The following USP46 variants were observed in gnomAD, a reference collection of about 807,000 sequenced individuals.
USP46 encodes the protein ubiquitin carboxyl-terminal hydrolase 46.
A neutral mutation model predicts 44.4 loss-of-function variants in USP46; 12 were observed. The observed-to-expected ratio is 0.27, with a 90% CI of 0.17 to 0.44. USP46 has a LOEUF of 0.44. Ranked by LOEUF, USP46 falls within the 20% of genes least tolerant of loss-of-function variation. The pLI, the probability that USP46 is intolerant of heterozygous loss-of-function variation, is 1.00. For synonymous variants in USP46, 155 were observed against 161.5 expected, an observed-to-expected ratio of 0.96 and a Z score of 0.31; for missense variants, 248 against 444.8, an observed-to-expected ratio of 0.56 and a Z score of 3.98.
chr4:52,632,986 A>G (rs1045091377), intron 1 of USP46, among the ~76,000 whole-genome samples: 2 of 26,134 alleles, frequency 7.7e-5, no homozygotes, highest in South Asian at 1.6e-3. Context: ...GAAAGAAAGA[A>G]AAGAAAAGAA....
intron 7 of USP46, among the ~76,000 whole-genome samples, chr4:52,600,332 G>C (rs551187606): frequency 6.6e-6 from 1 of 152,100 alleles, no homozygotes; most frequent in Admixed American, 6.5e-5. Context: ...TGGAAGGGAA[G>C]GCAGGCCCAG....
chr4:52,632,764 T>C (rs756465184), intron 1 of USP46, among the ~76,000 whole-genome samples: 35 of 150,490 alleles, frequency 2.3e-4, no homozygotes, highest in Non-Finnish European at 4.3e-4. Context: ...TGAGCTGTGA[T>C]GGCACCACTG....
chr4:52,657,702 G>A (rs1233101738), intron 1 of USP46, among the ~76,000 whole-genome samples: 4 of 152,204 alleles, frequency 2.6e-5, no homozygotes, highest in African/African-American at 9.7e-5. Context: ...AGGAAAAAAA[G>A]AGAAAACAGA....
chr4:52,631,097 A>G lies in USP46; in HGVS notation c.84T>C (p.Phe28=). 6.4e-7 allele frequency: 1 copy of G among 1,568,260 alleles called. No individual in the cohort carries two copies. The highest frequency in any genetic ancestry group is 8.7e-7 in the Non-Finnish European group (1 of 1,154,612). Residue 28 remains phenylalanine (F), a synonymous_variant, in exon 2 of 9, where the codon TTT becomes TTC. Transcript: ENST00000441222. ...ATCCGAAATAGTGTTCATTGATTGG[A>G]AACTGCTCTGGACCAATGTCTTTTT... ...ALEKDIGPEQ[F]PINEHYFGLV...
rs866915730 is a variant in USP46 at position 52,626,154 on chromosome 4, T to A, written c.425A>T (p.Gln142Leu). The A allele has an allele frequency of 7.4e-6, 12 of 1,613,820 alleles. No individual in the cohort carries two copies. Among genetic ancestry groups the A allele is most frequent in the Non-Finnish European group, 1.0e-5 (12 of 1,179,856 alleles). ...TTTTAATTTTCCATTTTGTTTTTCC[T>A]GTTTCTTCTCCTCCTGAAGGATGTC... ...IADILQEEKK[Q>L]EKQNGKLKNG... Residue 142 changes from glutamine to leucine, a missense_variant, in exon 4 of 9, where the codon CAG becomes CTG. Gln to Leu is a moderately radical substitution (Grantham distance 113). Coordinates refer to ENST00000441222, the MANE Select transcript of USP46 (RefSeq NM_022832.4).
intron 4 of USP46, among the ~76,000 whole-genome samples, chr4:52,618,841 G>GA (rs1717268065): frequency 6.6e-6 from 1 of 152,144 alleles, no homozygotes; most frequent in Non-Finnish European, 1.5e-5. Flanking sequence ...AAACTCTACT[G>GA]AATCAATTTG....
intron 2 of USP46, among the ~76,000 whole-genome samples, chr4:52,628,852 C>T (rs941427176): frequency 2.0e-5 from 3 of 152,170 alleles, no homozygotes; most frequent in Non-Finnish European, 4.4e-5. Context: ...TGCAATACTA[C>T]CCAAGTTCCT....
intron 7 of USP46, 122 bp downstream of exon 7, chr4:52,601,735 G>T: frequency 2.0e-6 from 2 of 992,798 alleles, no homozygotes; most frequent in African/African-American, 1.6e-5. Flanking sequence ...ATCAGTAAGA[G>T]TTTGGCAGAG....
chr4:52,633,623 C>A (rs923020145), intron 1 of USP46, among the ~76,000 whole-genome samples: 1 of 152,192 alleles, frequency 6.6e-6, no homozygotes, highest in African/African-American at 2.4e-5. Context: ...GGAGGAATGT[C>A]AGATATAAAA....
rs988094653 is a variant in USP46 at position 52,633,196 on chromosome 4, G to A, written c.37-2052C>T. ...CATTAAATGCAAAATGACCCTCCTCGGACCACAGAACTACAGTAGAAATGG... is the reference window on the plus strand; with the variant it reads ...CATTAAATGCAAAATGACCCTCCTCAGACCACAGAACTACAGTAGAAATGG... On this transcript the variant is annotated intron_variant, in intron 1 of 8. Transcript: ENST00000441222. 2.6e-5 allele frequency among the ~76,000 whole-genome samples: 4 copies of A among 152,150 alleles called. No homozygotes were observed. The East Asian group carries it at 5.8e-4, about 22-fold the overall frequency.
chr4:52,618,406 C>T (rs1446770280), intron 4 of USP46, among the ~76,000 whole-genome samples: 1 of 152,032 alleles, frequency 6.6e-6, no homozygotes, highest in Non-Finnish European at 1.5e-5. Context: ...AGCAAAAGCG[C>T]TTGAACCCAG....
chr4:52,628,297 T>C, intron 2 of USP46, 134 bp from the exon 3 acceptor site: 1 of 794,002 alleles, frequency 1.3e-6, no homozygotes, highest in Non-Finnish European at 2.0e-6. Flanking sequence ...CAGCTCACCA[T>C]ATTAGAAAAC....
chr4:52,651,988 T>G (rs1350285874), intron 1 of USP46, among the ~76,000 whole-genome samples: 1 of 152,202 alleles, frequency 6.6e-6, no homozygotes, highest in Non-Finnish European at 1.5e-5. Context: ...ACTTTTGCTT[T>G]GGTCTCCTTG....
rs1291484120 is a variant in USP46, at chr4:52,602,184, T to C, written c.723-130A>G. The stretch of plus-strand genomic sequence containing the variant: ...TCAAACCAGCAAACAACCAAACAGT[T>C]TGCAAGGATAAAAGTATGCTGGCAT... On this transcript the variant is annotated intron_variant, in intron 6 of 8. Coordinates refer to ENST00000441222, the MANE Select transcript of USP46 (RefSeq NM_022832.4). The C allele has an allele frequency of 3.9e-6, 4 of 1,030,182 alleles. No homozygotes were observed. The African/African-American group carries it at 6.4e-5, about 16-fold the overall frequency. 63.8% of individuals were successfully genotyped at this position (1,030,182 alleles called of 1,614,324 possible). A position where few individuals can be genotyped will look rare whatever the true frequency, so the allele number is the denominator to read the frequency against.
rs1717577102 is a variant in USP46 at position 52,626,176 on chromosome 4, T to C, written c.403A>G (p.Ile135Val). The change falls in exon 4 of 9, where the codon ATC (isoleucine) becomes GTC (valine). Residue 135 changes from isoleucine to valine, a missense_variant. By Grantham distance (29) the Ile-to-Val change is conservative (BLOSUM62 3). Around this residue, in one of 5 missense-constraint regions of USP46, gnomAD observed 54 missense variants for 135.0 expected, o/e 0.40. Coordinates refer to ENST00000441222, the MANE Select transcript of USP46 (RefSeq NM_022832.4). ...TCCTGTTTCTTCTCCTCCTGAAGGA[T>C]GTCCGCAATAGTGTTTAGCAAATAA... Reference protein sequence around the residue: ...LNYLLNTIADILQEEKKQEKQ... With the variant: ...LNYLLNTIADVLQEEKKQEKQ... 2.5e-6 allele frequency: 4 copies of C among 1,613,956 alleles called. No individual in the cohort carries two copies. The highest frequency in any genetic ancestry group is 3.4e-6 in the Non-Finnish European group (4 of 1,179,870).
chr4:52,649,615 C>G (rs147066261), intron 1 of USP46, among the ~76,000 whole-genome samples: 28 of 152,352 alleles, frequency 1.8e-4, no homozygotes, highest in African/African-American at 6.7e-4. Flanking sequence ...GACATTTCAA[C>G]TAGACCTCCA....
chr4:52,641,493 G>C (rs560142021), intron 1 of USP46, among the ~76,000 whole-genome samples: 1 of 152,246 alleles, frequency 6.6e-6, no homozygotes, highest in African/African-American at 2.4e-5. Context: ...GATAAAGAAA[G>C]AAATGTTTTG....
At chr4:52,601,053 A>C (rs985290408) in intron 7 of USP46, among the ~76,000 whole-genome samples, 1 of 152,164 alleles carries the variant, frequency 6.6e-6, no homozygotes, top group African/African-American at 2.4e-5. Flanking sequence ...TCTGCGTGGC[A>C]ATGGTAGTCT....
At chr4:52,625,957 T>A in intron 4 of USP46, 61 bp downstream of exon 4, 1 of 1,466,212 alleles carries the variant, frequency 6.8e-7, no homozygotes, top group Non-Finnish European at 9.4e-7. Context: ...TGCAATCACA[T>A]GCAACATAGC....
Sources: gnomAD v4.1 joint callset for allele counts (sites outside exome capture counted in the v4.1 genomes callset) on GRCh38, gnomAD v4.1.1 for gene constraint, gnomAD v4.1.1 regional missense constraint, MANE v1.5 for transcripts, NCBI Gene and HGNC (gene_info 2026-07-23, HGNC 2026-07-21) for gene names.